The following INPP4B variants were observed in gnomAD, a reference collection of about 807,000 sequenced individuals.
The protein encoded by INPP4B is inositol polyphosphate-4-phosphatase type II B.
In INPP4B, 55 loss-of-function variants were observed where a neutral mutation model predicts 122.5. The ratio of observed to expected loss-of-function variants is 0.45; its 90% confidence interval spans 0.36 to 0.56. INPP4B has a LOEUF of 0.56. INPP4B is among the 20% of genes least tolerant of loss of function. The pLI is 0.00. For missense variants in INPP4B, 1,000 were observed against 1,097.7 expected (o/e 0.91, Z 1.26); for synonymous variants, 403 against 388.7 (o/e 1.04, Z -0.43).
At chr4:142,092,892 AC>A (rs1157382428) in intron 23 of INPP4B, among the ~76,000 whole-genome samples, 1 of 152,204 alleles carries the variant, frequency 6.6e-6, no homozygotes, top group Non-Finnish European at 1.5e-5. Context: ...TGGGTTTAAA[AC>A]ATAGTTCTAC....
intron 25 of INPP4B, among the ~76,000 whole-genome samples, chr4:142,051,741 G>A (rs1283643361): frequency 2.6e-5 from 4 of 152,022 alleles, no homozygotes; most frequent in Non-Finnish European, 4.4e-5. Context: ...TACCACAATC[G>A]TGATGGGTCA....
intron 1 of INPP4B, among the ~76,000 whole-genome samples, chr4:142,762,034 G>A (rs753986555): frequency 1.6e-4 from 24 of 152,066 alleles, no homozygotes; most frequent in Non-Finnish European, 3.5e-4. Context: ...ATAACTTGAG[G>A]CCATGGCTTG....
intron 2 of INPP4B, among the ~76,000 whole-genome samples, chr4:142,658,044 G>T (rs1265672674): frequency 6.6e-6 from 1 of 152,092 alleles, no homozygotes; most frequent in Non-Finnish European, 1.5e-5. Context: ...TTCCAAAATT[G>T]CATGGGATTT....
chr4:142,036,760 A>G (rs921811681), intron 25 of INPP4B, among the ~76,000 whole-genome samples: 1 of 152,228 alleles, frequency 6.6e-6, no homozygotes, highest in African/African-American at 2.4e-5. Context: ...GATGTCTCAC[A>G]TGTAATCATC....
chr4:142,305,276 T>G (rs1297657565), intron 9 of INPP4B, among the ~76,000 whole-genome samples, 182 bp downstream of exon 9: 1 of 152,178 alleles, frequency 6.6e-6, no homozygotes, highest in Non-Finnish European at 1.5e-5. Context: ...ACCTGAAACA[T>G]GAACTTCAAT....
chr4:142,769,125 GTTTC>G (rs1772617707), intron 1 of INPP4B, among the ~76,000 whole-genome samples: 1 of 152,166 alleles, frequency 6.6e-6, no homozygotes, highest in Non-Finnish European at 1.5e-5. Flanking sequence ...ATGACCCCAG[GTTTC>G]TGTGTTAAGT....
chr4:142,358,698 A>G (rs993166257), intron 7 of INPP4B, among the ~76,000 whole-genome samples: 1 of 150,102 alleles, frequency 6.7e-6, no homozygotes, highest in African/African-American at 2.4e-5. Context: ...GCATGCAGCC[A>G]AGGTTGAGAG....
At position 142,086,243 on chromosome 4, in the gene INPP4B, A is replaced by T. The variant is rs1212144234; in HGVS notation, c.2388T>A (p.Phe796Leu). 1 of 1,540,306 alleles carries T rather than the reference A, an allele frequency of 6.5e-7. No individual in the cohort carries two copies. Among genetic ancestry groups the T allele is most frequent in the Non-Finnish European group, 9.0e-7 (1 of 1,113,046 alleles). ...EKMPPDYISH[F>L]QEQNDLKALL... ...ATGCTTTTAAATCATTTTGTTCCTG[A>T]AAATGTGAAATATCTGAAGGGGAAA... Residue 796 changes from phenylalanine to leucine, a missense_variant, in exon 24 of 26, where the codon TTT becomes TTA. Physicochemically the swap from Phe to Leu is conservative, Grantham distance 22 (BLOSUM62 0). Transcript: ENST00000262992.
intron 2 of INPP4B, among the ~76,000 whole-genome samples, chr4:142,476,310 C>T (rs1213501976): frequency 6.6e-6 from 1 of 152,106 alleles, no homozygotes; most frequent in African/African-American, 2.4e-5. Context: ...TACCACCGGA[C>T]CTGCCTTATA....
chr4:142,806,151 C>T (rs564434542), intron 1 of INPP4B, among the ~76,000 whole-genome samples: 3 of 151,146 alleles, frequency 2.0e-5, no homozygotes, highest in Admixed American at 6.6e-5. Flanking sequence ...TGGTGGCGGG[C>T]GCCTGTAGTC....
intron 2 of INPP4B, among the ~76,000 whole-genome samples, chr4:142,651,245 C>T (rs1752903074): frequency 6.6e-6 from 1 of 152,062 alleles, no homozygotes; most frequent in African/African-American, 2.4e-5. Context: ...ATTTATAGCA[C>T]TAAAATGCCT....
intron 1 of INPP4B, among the ~76,000 whole-genome samples, chr4:142,840,213 G>C (rs1165122043): frequency 6.6e-6 from 1 of 152,112 alleles, no homozygotes; most frequent in African/African-American, 2.4e-5. Context: ...GGGATCTGCT[G>C]AAGTGTCATT....
At chr4:142,085,635 C>A (rs1250018257) in intron 24 of INPP4B, among the ~76,000 whole-genome samples, 1 of 152,074 alleles carries the variant, frequency 6.6e-6, no homozygotes, top group Non-Finnish European at 1.5e-5. Flanking sequence ...AAGAGCTATA[C>A]AAAATATAGT....
intron 7 of INPP4B, chr4:142,317,436 G>T: frequency 3.2e-6 from 1 of 311,048 alleles, no homozygotes; most frequent in Non-Finnish European, 6.5e-6. Flanking sequence ...TATAGAAATT[G>T]ATGAATAAAC....
chr4:142,068,832 C>A (rs145125622), intron 25 of INPP4B, among the ~76,000 whole-genome samples: 8,784 of 152,268 alleles, frequency 0.058, 274 homozygotes, highest in Middle Eastern at 0.095. Flanking sequence ...ATTCATAAAG[C>A]AAGTCCTTTG....
At chr4:142,130,087 G>A (rs1427794693) in intron 18 of INPP4B, among the ~76,000 whole-genome samples, 1 of 152,186 alleles carries the variant, frequency 6.6e-6, no homozygotes, top group Non-Finnish European at 1.5e-5. Context: ...TTAGAGGCAA[G>A]AGAGTTCATC....
intron 2 of INPP4B, among the ~76,000 whole-genome samples, chr4:142,550,253 C>T (rs1727648423): frequency 1.3e-5 from 2 of 152,086 alleles, no homozygotes; most frequent in South Asian, 4.1e-4. Context: ...GTGCTTTCTT[C>T]CTCATTCTTT....
intron 1 of INPP4B, among the ~76,000 whole-genome samples, chr4:142,743,219 C>T (rs548647366): frequency 6.6e-6 from 1 of 152,078 alleles, no homozygotes; most frequent in East Asian, 1.9e-4. Flanking sequence ...AGGAAAGCTC[C>T]ATAATAGTCC....
chr4:142,158,436 G>A (rs928580183), intron 17 of INPP4B, among the ~76,000 whole-genome samples: 4 of 152,066 alleles, frequency 2.6e-5, no homozygotes, highest in Admixed American at 6.6e-5. Context: ...GAATAAGGCA[G>A]AACAGGTACT....
Sources: allele counts gnomAD v4.1 joint callset (sites outside exome capture counted in the v4.1 genomes callset), GRCh38; gene constraint gnomAD v4.1.1; transcripts MANE v1.5; gene names NCBI Gene and HGNC (gene_info 2026-07-23, HGNC 2026-07-21).